The following CTNNA3 variants were observed in gnomAD, a reference collection of about 807,000 sequenced individuals.
CTNNA3 encodes the protein catenin alpha-3.
In CTNNA3, 76 loss-of-function variants were observed where a neutral mutation model predicts 95.7. That is an observed-to-expected ratio of 0.79 (90% confidence interval 0.66 to 0.96). The LOEUF (loss-of-function observed/expected upper bound fraction) is 0.96. Ranked by LOEUF, CTNNA3 falls within the 40% of genes least tolerant of loss-of-function variation. The pLI is 0.00. For synonymous variants in CTNNA3, 431 were observed against 374.4 expected (o/e 1.15, Z -1.74); for missense variants, 1,191 against 1,089.8 (o/e 1.09, Z -1.31).
intron 1 of CTNNA3, among the ~76,000 whole-genome samples, chr10:67,732,083 CTT>C (rs937928340): frequency 7.0e-6 from 1 of 141,966 alleles, no homozygotes. Flanking sequence ...CCTGGCCCAT[CTT>C]TTTTTTTTTT....
chr10:67,047,364 T>A (rs1854818537), intron 7 of CTNNA3, among the ~76,000 whole-genome samples: 1 of 152,106 alleles, frequency 6.6e-6, no homozygotes, highest in African/African-American at 2.4e-5. Flanking sequence ...GTCTGTTAAA[T>A]AATGTTAACT....
At chr10:66,346,279 A>G (rs2092518438) in intron 12 of CTNNA3, among the ~76,000 whole-genome samples, 1 of 145,234 alleles carries the variant, frequency 6.9e-6, no homozygotes, top group Admixed American at 6.9e-5. Context: ...AGAGAGAGAG[A>G]GAGAGAGAAA....
chr10:67,293,287 C>T (rs1839906872), intron 5 of CTNNA3, among the ~76,000 whole-genome samples: 1 of 152,062 alleles, frequency 6.6e-6, no homozygotes, highest in Non-Finnish European at 1.5e-5. Context: ...ATCTATAAAG[C>T]TTACAGATAA....
chr10:67,350,876 CAA>C (rs67407899), intron 5 of CTNNA3, among the ~76,000 whole-genome samples: 89 of 145,514 alleles, frequency 6.1e-4, no homozygotes, highest in African/African-American at 1.3e-3. Flanking sequence ...TCTATTCATA[CAA>C]AAAAAAAAAT....
At chr10:66,475,988 T>C (rs1304866559) in intron 11 of CTNNA3, among the ~76,000 whole-genome samples, 1 of 152,006 alleles carries the variant, frequency 6.6e-6, no homozygotes, top group African/African-American at 2.4e-5. Flanking sequence ...ATAGACTGGA[T>C]AAAGAAAATG....
At chr10:67,389,546 G>C (rs1323983544) in intron 5 of CTNNA3, among the ~76,000 whole-genome samples, 21 of 151,842 alleles carry the variant, frequency 1.4e-4, no homozygotes, top group African/African-American at 4.6e-4. Context: ...ACTCAGCTCT[G>C]CACCAAGCGG....
intron 12 of CTNNA3, among the ~76,000 whole-genome samples, chr10:66,306,499 A>G (rs2091936122): frequency 6.6e-6 from 1 of 152,206 alleles, no homozygotes; most frequent in African/African-American, 2.4e-5. Context: ...GATGGTGCCA[A>G]AATTAGAATT....
intron 10 of CTNNA3, among the ~76,000 whole-genome samples, chr10:66,567,014 G>A (rs1589431558): frequency 7.1e-6 from 1 of 139,914 alleles, no homozygotes; most frequent in African/African-American, 2.6e-5. Context: ...GAGAGGAAGT[G>A]GGAGAAAAGG....
At chr10:66,080,536 A>G (rs552332026) in intron 14 of CTNNA3, among the ~76,000 whole-genome samples, 2 of 152,298 alleles carry the variant, frequency 1.3e-5, no homozygotes, top group African/African-American at 4.8e-5. Context: ...GAATATGGGT[A>G]AAAAAGTATC....
intron 9 of CTNNA3, among the ~76,000 whole-genome samples, chr10:66,691,225 C>T (rs573576332): frequency 2.2e-4 from 33 of 152,234 alleles, no homozygotes; most frequent in Non-Finnish European, 2.4e-4. Flanking sequence ...GGGTGACAGA[C>T]GGCACCTGGA....
chr10:67,033,793 C>G (rs890210898), intron 7 of CTNNA3, among the ~76,000 whole-genome samples: 1 of 151,920 alleles, frequency 6.6e-6, no homozygotes. Flanking sequence ...TTTTTTTGGA[C>G]GAAGTCTCAC....
At chr10:66,365,803 G>A (rs79854371) in intron 12 of CTNNA3, among the ~76,000 whole-genome samples, 2,480 of 151,792 alleles carry the variant, frequency 0.016, 68 homozygotes, top group African/African-American at 0.058. Context: ...TTCACACTGA[G>A]GTGCCATGAT....
chr10:66,182,599 G>C (rs2086111108), intron 13 of CTNNA3, among the ~76,000 whole-genome samples: 1 of 152,064 alleles, frequency 6.6e-6, no homozygotes, highest in Non-Finnish European at 1.5e-5. Flanking sequence ...TGGTTCCTAA[G>C]ACTGATTATG....
chr10:66,087,373 C>T (rs190910830), intron 14 of CTNNA3, among the ~76,000 whole-genome samples: 125 of 152,176 alleles, frequency 8.2e-4, no homozygotes, highest in African/African-American at 3.0e-3. Flanking sequence ...CCTCTTATCG[C>T]GAGACAACAA....
At chr10:67,648,187 G>A (rs375942725) in intron 1 of CTNNA3, among the ~76,000 whole-genome samples, 5 of 152,072 alleles carry the variant, frequency 3.3e-5, no homozygotes, top group African/African-American at 1.2e-4. Flanking sequence ...AGGCATTAAC[G>A]TTATCCTTAA....
intron 5 of CTNNA3, among the ~76,000 whole-genome samples, chr10:67,248,518 T>A (rs1432937394): frequency 1.3e-5 from 2 of 152,092 alleles, no homozygotes; most frequent in Admixed American, 1.3e-4. Context: ...TGGGCTCAGG[T>A]GATTCTCCCA....
intron 7 of CTNNA3, among the ~76,000 whole-genome samples, chr10:67,055,729 C>A (rs991292711): frequency 6.6e-6 from 1 of 151,992 alleles, no homozygotes; most frequent in Non-Finnish European, 1.5e-5. Flanking sequence ...AATTTCAGAC[C>A]TCAGAGCTAA....
Position 66,189,320 on chromosome 10 carries a change from C to T in CTNNA3, c.1885-86071G>A, listed in dbSNP as rs941330071. 2.7e-5 allele frequency among the ~76,000 whole-genome samples: 4 copies of T among 148,684 alleles called. No homozygotes were observed. The East Asian group carries it at 7.8e-4, about 29-fold the overall frequency. On this transcript the variant is annotated intron_variant, in intron 13 of 17. Transcript: ENST00000433211. ...TTAAGACCAATGTCAAGGAGCATTT[C>T]CTCTTTTCTCTAGGAGTTTTTCAGT...
intron 11 of CTNNA3, among the ~76,000 whole-genome samples, chr10:66,436,297 G>A (rs541710756): frequency 3.3e-5 from 5 of 152,098 alleles, no homozygotes; most frequent in Non-Finnish European, 7.4e-5. Flanking sequence ...CACTATTATT[G>A]TTTTGGAGTC....
Sources: gnomAD v4.1 joint callset for allele counts (sites outside exome capture counted in the v4.1 genomes callset) on GRCh38, gnomAD v4.1.1 for gene constraint, MANE v1.5 for transcripts, NCBI Gene and HGNC (gene_info 2026-07-23, HGNC 2026-07-21) for gene names.